Variants in NOX4 observed in about 807,000 individuals in gnomAD.
NOX4 encodes the protein kidney oxidase-1.
Under a neutral mutation model 87.6 loss-of-function variants are expected in NOX4, and 69 were observed. That is an observed-to-expected ratio of 0.79 (90% CI 0.65 to 0.96). The LOEUF (loss-of-function observed/expected upper bound fraction) is 0.96, where lower values mean the gene tolerates loss of function less well. NOX4 is among the 40% of genes least tolerant of loss of function. The pLI is 0.00. For missense variants in NOX4, 680 were observed against 681.5 expected (o/e 1.00, Z 0.02); for synonymous variants, 275 against 238.2 (o/e 1.15, Z -1.42).
At chr11:89,443,983 C>T (rs1449616742) in intron 5 of NOX4, 152 bp downstream of exon 5, 1 of 620,752 alleles carries the variant, frequency 1.6e-6, no homozygotes, top group African/African-American at 1.8e-5. Context: ...CTTATATTTT[C>T]TACTGAAAAG....
At chr11:89,560,996 CTATA>C in the NOX4 span, among the ~76,000 whole-genome samples, 47 of 40,792 alleles carry the variant, frequency 1.2e-3, 1 homozygote, top group African/African-American at 3.5e-3. Context: ...CTCTCTCTCT[CTATA>C]TATATATATA....
intron 6 of NOX4, among the ~76,000 whole-genome samples, chr11:89,438,028 A>T (rs754728969): frequency 2.6e-5 from 4 of 151,532 alleles, no homozygotes. Context: ...TTAGTAAAAC[A>T]CTTTGCCAAG....
At chr11:89,404,786 G>A (rs1371048142) in intron 8 of NOX4, among the ~76,000 whole-genome samples, 2 of 152,050 alleles carry the variant, frequency 1.3e-5, no homozygotes, top group African/African-American at 2.4e-5. Context: ...AGAAATGTAA[G>A]GAAGGGGGAA....
intron 17 of NOX4, among the ~76,000 whole-genome samples, chr11:89,330,210 A>C (rs1459838745): frequency 1.3e-5 from 2 of 152,012 alleles, no homozygotes. Context: ...TTAGCTAAGC[A>C]TGGTGGTATG....
chr11:89,373,576 C>G lies in NOX4; in HGVS notation c.1075-84G>C, dbSNP rs1213720831. 3.5e-6 allele frequency: 3 copies of G among 855,394 alleles called. No individual in the cohort carries two copies. The Admixed American group carries it at 5.4e-5, about 15-fold the overall frequency. 53.0% of individuals were successfully genotyped at this position (855,394 alleles called of 1,614,324 possible). A position where few individuals can be genotyped will look rare whatever the true frequency, so the allele number is the denominator to read the frequency against. ...TCAATTACAACTTTTATCCTGATAGCAAGTCCCCCATATCAATAGATAACA... is the reference window on the plus strand; with the variant it reads ...TCAATTACAACTTTTATCCTGATAGGAAGTCCCCCATATCAATAGATAACA... On this transcript the variant is annotated intron_variant, in intron 11 of 17. Transcript: ENST00000263317.
the NOX4 span, among the ~76,000 whole-genome samples, chr11:89,567,551 A>C: frequency 1.3e-5 from 2 of 152,210 alleles, no homozygotes; most frequent in East Asian, 1.9e-4. Flanking sequence ...ATGGAAGAAG[A>C]AGCAAACATA....
chr11:89,536,680 G>A, the NOX4 span, among the ~76,000 whole-genome samples: 1 of 152,054 alleles, frequency 6.6e-6, no homozygotes, highest in Non-Finnish European at 1.5e-5. Flanking sequence ...TTCTTTTGCT[G>A]TGGCTACTCC....
chr11:89,497,884 T>C (rs540365872), intron 1 of NOX4: 2 of 152,324 alleles, frequency 1.3e-5, no homozygotes, highest in Non-Finnish European at 2.9e-5. Flanking sequence ...GTTTCTTTTT[T>C]ACACTAATAT....
intron 11 of NOX4, among the ~76,000 whole-genome samples, chr11:89,397,503 C>A (rs1305708055): frequency 6.6e-6 from 1 of 152,050 alleles, no homozygotes; most frequent in African/African-American, 2.4e-5. Flanking sequence ...ACACAAAAAA[C>A]ACTTCAAAAA....
intron 12 of NOX4, among the ~76,000 whole-genome samples, chr11:89,362,808 C>T (rs1938632690): frequency 6.6e-6 from 1 of 151,922 alleles, no homozygotes; most frequent in East Asian, 1.9e-4. Context: ...TGCAGACACA[C>T]AATACACACA....
chr11:89,392,979 C>G (rs1296588070), intron 11 of NOX4, among the ~76,000 whole-genome samples: 2 of 152,104 alleles, frequency 1.3e-5, no homozygotes, highest in African/African-American at 4.8e-5. Flanking sequence ...GCACTCCCAT[C>G]CCTCAAATTC....
chr11:89,449,592 A>G, intron 3 of NOX4, 68 bp from the exon 4 acceptor site: 2 of 1,217,576 alleles, frequency 1.6e-6, no homozygotes. Context: ...TCAGTATAGC[A>G]TTGTTCATTA....
At chr11:89,433,014 C>T (rs1027728842) in intron 6 of NOX4, among the ~76,000 whole-genome samples, 158 bp from the exon 7 acceptor site, 4 of 152,034 alleles carry the variant, frequency 2.6e-5, no homozygotes, top group African/African-American at 4.8e-5. Context: ...AAGCCCTTTA[C>T]TTTTTAATTT....
At chr11:89,506,223 G>GAAAGAA in the NOX4 span, among the ~76,000 whole-genome samples, 3 of 144,358 alleles carry the variant, frequency 2.1e-5, no homozygotes, top group African/African-American at 7.8e-5. Context: ...GAAAGAAAGA[G>GAAAGAA]AGAAAGAAAG....
upstream of NOX4, among the ~76,000 whole-genome samples, chr11:89,503,052 C>T (rs1361312793): frequency 1.3e-5 from 2 of 151,894 alleles, no homozygotes; most frequent in African/African-American, 2.4e-5. Context: ...ATCTTTATTT[C>T]TTTGTCCTAG....
At chr11:89,587,597 A>G in the NOX4 span, among the ~76,000 whole-genome samples, 21 of 152,066 alleles carry the variant, frequency 1.4e-4, no homozygotes, top group Non-Finnish European at 2.6e-4. Context: ...AGAGAAGCAA[A>G]ATGTCTCAAA....
intron 1 of NOX4, chr11:89,490,888 A>G: frequency 1.4e-6 from 1 of 701,322 alleles, no homozygotes; most frequent in Non-Finnish European, 2.6e-6. Context: ...AAAAGAACAA[A>G]GGGAGCAAAA....
Position 89,438,817 on chromosome 11 carries a change from ATTATATAATATCTT to A in NOX4, c.475+1857_475+1870del, listed in dbSNP as rs1565293362. 0.021 allele frequency among the ~76,000 whole-genome samples: 375 copies of A among 18,140 alleles called. 13 individuals are homozygous for A. The African/African-American group carries it at 0.22, about 11-fold the overall frequency. The allele number at this position is 18,140 out of a possible 152,430, so 11.9% of individuals were successfully genotyped here. ...GTATAATATATTATATATTATATATATTATATAATATCTTATATATTATATATATTATATAATAT... is the reference window on the plus strand; with the variant it reads ...GTATAATATATTATATATTATATATAATATATTATATATATTATATAATAT... On this transcript the variant is annotated intron_variant, in intron 6 of 17. Transcript: ENST00000263317.
At chr11:89,465,732 A>T (rs12223345) in intron 2 of NOX4, among the ~76,000 whole-genome samples, 2 of 151,952 alleles carry the variant, frequency 1.3e-5, no homozygotes, top group African/African-American at 4.8e-5. Context: ...GATGACCAGC[A>T]ATGATGAGCA....
Sources: gnomAD v4.1 joint callset for allele counts (sites outside exome capture counted in the v4.1 genomes callset) on GRCh38, gnomAD v4.1.1 for gene constraint, MANE v1.5 for transcripts, NCBI Gene and HGNC (gene_info 2026-07-23, HGNC 2026-07-21) for gene names.